TMOD3: variants seen among roughly 807,000 people sequenced by gnomAD.
The protein encoded by TMOD3 is tropomodulin-3.
TMOD3 carries 20 observed loss-of-function variants against 39.2 expected under a neutral mutation model. The observed-to-expected ratio is 0.51, with a 90% CI of 0.36 to 0.74. The LOEUF is 0.74. Ranked by LOEUF, TMOD3 falls within the 30% of genes least tolerant of loss-of-function variation. The pLI, the probability that TMOD3 is intolerant of heterozygous loss-of-function variation, is 0.00. For missense variants in TMOD3, 381 were observed against 412.8 expected (o/e 0.92, Z 0.67); for synonymous variants, 143 against 145.8 (o/e 0.98, Z 0.14).
At chr15:51,896,364 A>G (rs2141705189) in intron 6 of TMOD3, 55 bp from the exon 7 acceptor site, 6 of 1,294,536 alleles carry the variant, frequency 4.6e-6, no homozygotes, top group Non-Finnish European at 5.5e-6. Flanking sequence ...ATTAATGGAA[A>G]CTAAATATAA....
At chr15:51,893,396 C>A (rs1196522037) in intron 5 of TMOD3, among the ~76,000 whole-genome samples, 1 of 151,314 alleles carries the variant, frequency 6.6e-6, no homozygotes, top group African/African-American at 2.4e-5. Flanking sequence ...TTAAATCTGT[C>A]CCCTTGAATA....
At chr15:51,836,876 A>G (rs2056287350) in intron 1 of TMOD3, among the ~76,000 whole-genome samples, 1 of 152,224 alleles carries the variant, frequency 6.6e-6, no homozygotes, top group Admixed American at 6.5e-5. Flanking sequence ...AGGAACACAA[A>G]CACACTAAGA....
At chr15:51,868,129 A>G (rs2056456397) in intron 2 of TMOD3, among the ~76,000 whole-genome samples, 1 of 152,218 alleles carries the variant, frequency 6.6e-6, no homozygotes, top group Non-Finnish European at 1.5e-5. Context: ...TGAAGTAAAC[A>G]TTAATCTGAT....
At chr15:51,850,505 G>T (rs555191998) in intron 1 of TMOD3, among the ~76,000 whole-genome samples, 1 of 152,006 alleles carries the variant, frequency 6.6e-6, no homozygotes, top group Admixed American at 6.5e-5. Context: ...GAGAGTGAGG[G>T]GTAGGCAGTA....
chr15:51,893,757 T>C (rs2056606909), intron 5 of TMOD3, 58 bp from the exon 6 acceptor site: 2 of 1,376,028 alleles, frequency 1.5e-6, no homozygotes, highest in Admixed American at 2.8e-5. Context: ...AGTGCGAGAC[T>C]CCGTCTCAAA....
intron 8 of TMOD3, 127 bp downstream of exon 8, chr15:51,900,425 G>A (rs549081276): frequency 9.7e-7 from 1 of 1,029,154 alleles, no homozygotes; most frequent in South Asian, 1.6e-5. Context: ...TGGGCTGAAA[G>A]GAGAGCTGAC....
intron 3 of TMOD3, among the ~76,000 whole-genome samples, chr15:51,882,221 T>A (rs2056538522): frequency 6.6e-6 from 1 of 151,706 alleles, no homozygotes; most frequent in Non-Finnish European, 1.5e-5. Flanking sequence ...CTATTTTGAG[T>A]ATGATGTGAG....
intron 9 of TMOD3, among the ~76,000 whole-genome samples, chr15:51,908,069 G>A (rs1376945837): frequency 6.6e-6 from 1 of 152,190 alleles, no homozygotes; most frequent in African/African-American, 2.4e-5. Flanking sequence ...TCAGAAAGCA[G>A]TAGCAAATCA....
intron 3 of TMOD3, among the ~76,000 whole-genome samples, chr15:51,879,522 A>G (rs993936312): frequency 2.0e-5 from 3 of 151,274 alleles, no homozygotes; most frequent in Non-Finnish European, 4.4e-5. Flanking sequence ...ATGTTTTCTT[A>G]GACATTATGT....
At chr15:51,860,991 T>C in intron 1 of TMOD3, 1 of 585,594 alleles carries the variant, frequency 1.7e-6, no homozygotes, top group Non-Finnish European at 3.1e-6. Context: ...GTCTTTCCTC[T>C]TTGCTGAGGC....
rs1173367084 is a variant in TMOD3, at chr15:51,911,196, GTTTTGT to G, written c.*2403_*2408del. On this transcript the variant is annotated 3_prime_UTR_variant, in exon 10 of 10. Coordinates refer to ENST00000308580, the MANE Select transcript of TMOD3 (RefSeq NM_014547.5). ...AAATAGTTCCCCCTTCATCCCTTAA[GTTTTGT>G]TTTTGTTTTTGTTTTTAATATAGGT... 2.0e-5 allele frequency: 3 copies of G among 152,018 alleles called. No individual in the cohort carries two copies. Among genetic ancestry groups the G allele is most frequent in the East Asian group, 1.9e-4 (1 of 5,202 alleles). The allele number at this position is 152,018 out of a possible 1,614,324, so 9.4% of individuals were successfully genotyped here. A position where few individuals can be genotyped will look rare whatever the true frequency, so the allele number is the denominator to read the frequency against.
chr15:51,891,741 A>G (rs763716287), intron 5 of TMOD3, among the ~76,000 whole-genome samples: 37 of 151,178 alleles, frequency 2.4e-4, no homozygotes, highest in Non-Finnish European at 2.5e-4. Flanking sequence ...TTTCCATTCA[A>G]TGAGGAAGTT....
intron 9 of TMOD3, among the ~76,000 whole-genome samples, chr15:51,906,405 G>A (rs556171169): frequency 3.9e-5 from 6 of 152,148 alleles, no homozygotes; most frequent in South Asian, 2.1e-4. Context: ...TGATAACATC[G>A]TTCCCTCTCT....
In TMOD3 at chr15:51,851,397, A is replaced by C. The variant is rs1188839786; in HGVS notation, c.-74-11414A>C. Among the ~76,000 whole-genome samples, 4 of 152,242 alleles carry C rather than the reference A, an allele frequency of 2.6e-5. 1 individual carries two copies. Among genetic ancestry groups the C allele is most frequent in the Non-Finnish European group, 4.4e-5 (3 of 68,038 alleles). On this transcript the variant is annotated intron_variant, in intron 1 of 9. Transcript: ENST00000308580. Reference sequence around the variant, plus strand: ...CTTTTTAGACTCAATCTTTTGCAAAAAATGATACCAGAAATGGCATTAACA... The same window carrying C: ...CTTTTTAGACTCAATCTTTTGCAAACAATGATACCAGAAATGGCATTAACA...
At chr15:51,850,968 C>A (rs1166330065) in intron 1 of TMOD3, among the ~76,000 whole-genome samples, 1 of 152,168 alleles carries the variant, frequency 6.6e-6, no homozygotes, top group South Asian at 2.1e-4. Context: ...CTCTTGACCT[C>A]GTAATTCGCC....
intron 3 of TMOD3, among the ~76,000 whole-genome samples, chr15:51,886,343 C>G (rs550865214): frequency 1.3e-5 from 2 of 152,288 alleles, no homozygotes; most frequent in African/African-American, 4.8e-5. Flanking sequence ...TGTAGCGAGC[C>G]GAGATCACGC....
chr15:51,895,259 C>G (rs2056614792), intron 6 of TMOD3, among the ~76,000 whole-genome samples: 1 of 151,042 alleles, frequency 6.6e-6, no homozygotes, highest in Non-Finnish European at 1.5e-5. Context: ...CTCTGTTGCC[C>G]AGGCTGGAGT....
rs182079036 is a variant in TMOD3 at position 51,894,744 on chromosome 15, C to T, written c.627+799C>T. On this transcript the variant is annotated intron_variant, in intron 6 of 9. Coordinates refer to ENST00000308580, the MANE Select transcript of TMOD3 (RefSeq NM_014547.5). ...TGATTCATGGTGAGTGTGTCAGATA[C>T]GCTGCAGTTTGTTTATCTGTTCATC... Among the ~76,000 whole-genome samples, 81 of 152,270 alleles carry T rather than the reference C, an allele frequency of 5.3e-4. 1 individual carries two copies. The highest frequency in any genetic ancestry group is 9.3e-4 in the Non-Finnish European group (63 of 68,036).
chr15:51,885,301 T>TTTTTTTTTTTG (rs2056554835), intron 3 of TMOD3, among the ~76,000 whole-genome samples: 1 of 130,056 alleles, frequency 7.7e-6, no homozygotes, highest in Non-Finnish European at 1.7e-5. Flanking sequence ...TTTTTTTTTT[T>TTTTTTTTTTTG]TAGTATTTAT....
Sources: allele counts gnomAD v4.1 joint callset (sites outside exome capture counted in the v4.1 genomes callset), GRCh38; gene constraint gnomAD v4.1.1; transcripts MANE v1.5; gene names NCBI Gene and HGNC (gene_info 2026-07-23, HGNC 2026-07-21).